DVL2: variants seen among roughly 807,000 people sequenced by gnomAD.
The protein encoded by DVL2 is segment polarity protein dishevelled homolog DVL-2.
In DVL2, 38 loss-of-function variants were observed where a neutral mutation model predicts 69.8. That is an observed-to-expected ratio of 0.54 (90% CI 0.42 to 0.71). The LOEUF is 0.71. DVL2 is among the 30% of genes least tolerant of loss of function. The pLI, the probability that DVL2 is intolerant of heterozygous loss-of-function variation, is 0.00. For missense variants in DVL2, 931 were observed against 1,008.1 expected (o/e 0.92, Z 1.04); for synonymous variants, 428 against 392.4 (o/e 1.09, Z -1.07).
Position 7,229,550 on chromosome 17 carries a change from C to A in DVL2, c.747+38G>T, listed in dbSNP as rs752575136. The A allele has an allele frequency of 1.3e-6, 2 of 1,599,804 alleles. No homozygotes were observed. Among genetic ancestry groups the A allele is most frequent in the Non-Finnish European group, 1.7e-6 (2 of 1,172,262 alleles). ...GCCCAAACCAAAGCCCATGCCCCAC[C>A]TTCTCCCAGCACCAGCCTTCCTGTA... On this transcript the variant is annotated intron_variant, in intron 6 of 14. Coordinates refer to ENST00000005340, the MANE Select transcript of DVL2 (RefSeq NM_004422.3). The surrounding 1 kb of genome is among the most constrained non-coding windows in gnomAD (Gnocchi z 4.4).
rs3213635 is a variant in DVL2 at position 7,229,510 on chromosome 17, C to T, written c.748-63G>A. 3.7e-4 allele frequency: 591 copies of T among 1,612,144 alleles called. 7 individuals are homozygous for T. The East Asian group carries it at 0.013, about 35-fold the overall frequency. On this transcript the variant is annotated intron_variant, in intron 6 of 14. Transcript: ENST00000005340. The surrounding 1 kb of genome is among the most constrained non-coding windows in gnomAD (Gnocchi z 4.4). ...CCCAGGGTCAACCCTGGGGTGCTGC[C>T]GGTGTCCTGGCACCGCCCAAACCAA...
rs1293641688 is a variant in DVL2, at chr17:7,227,463, G to A, written c.1304C>T (p.Ser435Phe). ...CATGCGGTCCCGGACTTCCAGTCCA[G>A]ACTCTGGAGCTGCCATGGCCTTGGT... ...SVTKAMAAPE[S>F]GLEVRDRMWL... The change falls in exon 12 of 15, where the codon TCT becomes TTT. Residue 435 changes from serine (S) to phenylalanine (F), a missense_variant. Ser to Phe is a radical substitution (Grantham distance 155). Around this residue, in one of 3 missense-constraint regions of DVL2, gnomAD observed 62 missense variants for 105.7 expected, o/e 0.59. Transcript: ENST00000005340. 1 of 1,614,130 alleles carries A rather than the reference G, an allele frequency of 6.2e-7. No individual in the cohort carries two copies. Among genetic ancestry groups the A allele is most frequent in the South Asian group, 1.1e-5 (1 of 91,094 alleles).
At chr17:7,226,719 G>C (rs918547537) in intron 13 of DVL2, 80 bp from the exon 14 acceptor site, 1 of 1,155,204 alleles carries the variant, frequency 8.7e-7, no homozygotes, top group Non-Finnish European at 1.2e-6. Context: ...GAGGAACTGG[G>C]AACAGTTCTC....
At position 7,225,904 on chromosome 17, in the gene DVL2, G is replaced by A. The variant is rs746147990; in HGVS notation, c.2172C>T (p.Ala724=). The change falls in exon 15 of 15, where the codon GCC becomes GCT. Residue 724 remains alanine, a synonymous_variant. Transcript: ENST00000005340. ...LTASRQSFHM[A]MGNPSEFFVD... ...CAAAGAACTCGCTGGGATTGCCCAT[G>A]GCCATGTGGAAGCTTTGGCGGCTGG... is the stretch of plus-strand genomic sequence containing the variant. 1.1e-5 allele frequency: 17 copies of A among 1,613,966 alleles called. No individual in the cohort carries two copies. Among genetic ancestry groups the A allele is most frequent in the Middle Eastern group, 1.6e-4 (1 of 6,062 alleles).
At position 7,226,093 on chromosome 17, in the gene DVL2, G is replaced by A. The variant is rs143063937; in HGVS notation, c.1983C>T (p.His661=). 74 of 1,594,440 alleles carry A rather than the reference G, an allele frequency of 4.6e-5. No homozygotes were observed. The highest frequency in any genetic ancestry group is 6.2e-5 in the Non-Finnish European group (72 of 1,169,044). ...STGGAPNLRA[H]PGLHPYGPPP... The stretch of plus-strand genomic sequence containing the variant: ...GCGGTCCATAGGGATGGAGCCCTGG[G>A]TGGGCTCGGAGATTAGGGGCACCCC... Residue 661 remains histidine, a synonymous_variant, in exon 15 of 15, where the codon CAC becomes CAT. Transcript: ENST00000005340.
chr17:7,230,806 C>T lies in DVL2; in HGVS notation c.195-9G>A, dbSNP rs777380286. 3 of 1,611,078 alleles carry T rather than the reference C, an allele frequency of 1.9e-6. No individual in the cohort carries two copies. The highest frequency in any genetic ancestry group is 2.2e-5 in the South Asian group (2 of 90,798). On this transcript the variant is annotated splice_polypyrimidine_tract_variant and intron_variant, in intron 1 of 14. Coordinates refer to ENST00000005340, the MANE Select transcript of DVL2 (RefSeq NM_004422.3). ...TTTCTTCCTTCACCACCCTGCCAAG[C>T]GACAAGGTAGAGGTCAGTGAGCTGG...
chr17:7,229,519 G>A lies in DVL2; in HGVS notation c.747+69C>T. 1 of 1,611,944 alleles carries A rather than the reference G, an allele frequency of 6.2e-7. No individual in the cohort carries two copies. The highest frequency in any genetic ancestry group is 8.5e-7 in the Non-Finnish European group (1 of 1,178,322). The stretch of plus-strand genomic sequence containing the variant: ...AACCCTGGGGTGCTGCCGGTGTCCT[G>A]GCACCGCCCAAACCAAAGCCCATGC... On this transcript the variant is annotated intron_variant, in intron 6 of 14. Coordinates refer to ENST00000005340, the MANE Select transcript of DVL2 (RefSeq NM_004422.3). The surrounding 1 kb of genome is among the most constrained non-coding windows in gnomAD (Gnocchi z 4.4).
chr17:7,229,185 CA>C lies in DVL2; in HGVS notation c.906del (p.Ala304LeufsTer17). The C allele has an allele frequency of 1.2e-6, 2 of 1,614,260 alleles. No individual in the cohort carries two copies. Among genetic ancestry groups the C allele is most frequent in the Non-Finnish European group, 1.7e-6 (2 of 1,180,052 alleles). On this transcript the variant is annotated frameshift_variant, in exon 8 of 15. Coordinates refer to ENST00000005340, the MANE Select transcript of DVL2 (RefSeq NM_004422.3). LOFTEE classifies it high-confidence loss of function. This position sits in a 1 kb window ranked among gnomAD's most constrained non-coding sequence, Gnocchi z 4.4. ...GGIYIGSIMK[G>X]GAVAADGRIE... ...ATGCGCCCGTCGGCCGCCACAGCCC[CA>C]CCCTTCATGATGGAGCCAATGTAGA...
rs188640689 is a variant in DVL2 at position 7,232,554 on chromosome 17, C to T, written c.194+1515G>A. 6.6e-5 allele frequency among the ~76,000 whole-genome samples: 10 copies of T among 152,328 alleles called. No individual in the cohort carries two copies. The East Asian group carries it at 1.9e-3, about 29-fold the overall frequency. ...CCAAGAATTTCCCGTGTGCCACACA[C>T]GTGAACTAACCATTTCATTCTGTGA... On this transcript the variant is annotated intron_variant, in intron 1 of 14. Transcript: ENST00000005340.
intron 1 of DVL2, 190 bp downstream of exon 1, chr17:7,233,879 C>T (rs2071588556): frequency 1.5e-6 from 1 of 669,950 alleles, no homozygotes; most frequent in Non-Finnish European, 2.6e-6. Context: ...CCTAGTCTGT[C>T]CGTGTGCCTC....
chr17:7,230,713 G>T lies in DVL2; in HGVS notation c.264+15C>A. The T allele has an allele frequency of 6.2e-7, 1 of 1,608,200 alleles. No homozygotes were observed. The highest frequency in any genetic ancestry group is 8.5e-7 in the Non-Finnish European group (1 of 1,176,760). On this transcript the variant is annotated intron_variant, in intron 2 of 14. Transcript: ENST00000005340. ...ATGCTGAGGGGGCCTGGTCCTCGGT[G>T]TCAGAACCTCTTACCCAGGATACCA...
At chr17:7,231,189 C>A (rs1202390430) in intron 1 of DVL2, among the ~76,000 whole-genome samples, 1 of 152,164 alleles carries the variant, frequency 6.6e-6, no homozygotes, top group Non-Finnish European at 1.5e-5. Flanking sequence ...AAAGGTCAGG[C>A]ACGGTGGCTC....
At chr17:7,232,380 C>T (rs114111656) in intron 1 of DVL2, among the ~76,000 whole-genome samples, 149 of 152,300 alleles carry the variant, frequency 9.8e-4, no homozygotes, top group African/African-American at 3.4e-3. Context: ...AGCCCAGTCA[C>T]TACTAACCCG....
Position 7,230,294 on chromosome 17 carries a change from G to A in DVL2, c.401C>T (p.Pro134Leu), listed in dbSNP as rs758359254. Residue 134 changes from proline to leucine, a missense_variant, in exon 3 of 15, where the codon CCA becomes CTA. Pro to Leu is a moderately conservative substitution (Grantham distance 98, BLOSUM62 -3). Coordinates refer to ENST00000005340, the MANE Select transcript of DVL2 (RefSeq NM_004422.3). ...RTSGIGDSRPPSFHPNVSSSH... is the reference protein window; with the variant it reads ...RTSGIGDSRPLSFHPNVSSSH... ...AATCTGAAGGACTCACTGGAAGGAT[G>A]GAGGCCTTGAGTCCCCAATGCCGCT... 3.7e-6 allele frequency: 6 copies of A among 1,614,116 alleles called. No homozygotes were observed. The South Asian group carries it at 4.4e-5, about 12-fold the overall frequency.
Position 7,226,112 on chromosome 17 carries a change from G to A in DVL2, c.1964C>T (p.Ala655Val). Reference protein sequence around the residue: ...PPPSRGSTGGAPNLRAHPGLH... With the variant: ...PPPSRGSTGGVPNLRAHPGLH... Reference sequence around the variant, plus strand: ...CCCTGGGTGGGCTCGGAGATTAGGGGCACCCCCAGTTGAGCCTCTGGATGG... The same window carrying A: ...CCCTGGGTGGGCTCGGAGATTAGGGACACCCCCAGTTGAGCCTCTGGATGG... The change falls in exon 15 of 15, where the codon GCC (alanine) becomes GTC (valine). Residue 655 changes from alanine to valine, a missense_variant. Coordinates refer to ENST00000005340, the MANE Select transcript of DVL2 (RefSeq NM_004422.3). The A allele has an allele frequency of 1.9e-6, 3 of 1,596,900 alleles. No individual in the cohort carries two copies. Among genetic ancestry groups the A allele is most frequent in the Non-Finnish European group, 1.7e-6 (2 of 1,170,672 alleles).
At chr17:7,228,674 A>C in intron 9 of DVL2, 2 of 353,808 alleles carry the variant, frequency 5.7e-6, no homozygotes, top group South Asian at 6.6e-5. Flanking sequence ...TCCACCCCCC[A>C]GGGTTCAAGT....
chr17:7,227,172 C>G lies in DVL2; in HGVS notation c.1461G>C (p.Leu487=). Residue 487 remains leucine, a synonymous_variant, in exon 13 of 15, where the codon CTG becomes CTC. Transcript: ENST00000005340. ...KYASGLLKAG[L]IRHTVNKITF... is the part of the protein sequence containing the mutation. ...TGATCTTGTTGACGGTGTGTCGGAT[C>G]AGGCCTGCTTTGAGCAGCCCGCTGG... is the stretch of plus-strand genomic sequence containing the variant. 1.2e-6 allele frequency: 2 copies of G among 1,614,172 alleles called. No homozygotes were observed. The highest frequency in any genetic ancestry group is 1.7e-6 in the Non-Finnish European group (2 of 1,180,032).
chr17:7,227,596 A>G, intron 11 of DVL2, 59 bp downstream of exon 11: 1 of 1,614,000 alleles, frequency 6.2e-7, no homozygotes, highest in Non-Finnish European at 8.5e-7. Context: ...GCAATGGATC[A>G]GACCACTGCG....
intron 1 of DVL2, among the ~76,000 whole-genome samples, chr17:7,232,764 C>G (rs967115059): frequency 6.6e-6 from 1 of 152,204 alleles, no homozygotes; most frequent in African/African-American, 2.4e-5. Context: ...AAAACCCATG[C>G]TATCCCAACT....
Sources: gnomAD v4.1 joint callset for allele counts (sites outside exome capture counted in the v4.1 genomes callset) on GRCh38, gnomAD v4.1.1 for gene constraint, gnomAD v4.1.1 regional missense constraint, Gnocchi (gnomAD v3.1) non-coding constraint, MANE v1.5 for transcripts, NCBI Gene and HGNC (gene_info 2026-07-23, HGNC 2026-07-21) for gene names.